The following ALG1L2 variants were observed in gnomAD, a reference collection of about 807,000 sequenced individuals.
ALG1L2 encodes the protein ALG1 chitobiosyldiphosphodolichol beta-mannosyltransferase like 2.
In ALG1L2, 32 loss-of-function variants were observed where a neutral mutation model predicts 29.0. The observed-to-expected ratio is 1.10, with a 90% confidence interval of 0.83 to 1.48. ALG1L2 has a LOEUF of 1.48. Ranked by LOEUF, ALG1L2 falls within the 40% of genes most tolerant of loss-of-function variation. ALG1L2 has a pLI of 0.00. For synonymous variants in ALG1L2, 110 were observed against 109.5 expected, an observed-to-expected ratio of 1.00 and a Z score of -0.03; for missense variants, 318 against 274.1, an observed-to-expected ratio of 1.16 and a Z score of -1.13.
rs1314164530 is a variant in ALG1L2 at position 130,093,350 on chromosome 3, C to A, written c.313+190C>A. 9.2e-5 allele frequency among the ~76,000 whole-genome samples: 14 copies of A among 151,972 alleles called. No homozygotes were observed. The East Asian group carries it at 2.7e-3, about 30-fold the overall frequency. Reference sequence around the variant, plus strand: ...AGGGTTTCACAGCAGGGCAGGGAGCCCAGATTTGAATCTGTAGATACCAAG... The same window carrying A: ...AGGGTTTCACAGCAGGGCAGGGAGCACAGATTTGAATCTGTAGATACCAAG... On this transcript the variant is annotated intron_variant, in intron 4 of 7. Transcript: ENST00000425059.
At chr3:130,096,611 T>A (rs556547929) in intron 6 of ALG1L2, among the ~76,000 whole-genome samples, 1 of 152,100 alleles carries the variant, frequency 6.6e-6, no homozygotes, top group East Asian at 1.9e-4. Flanking sequence ...GTTAAATGAG[T>A]GTCATGCTGT....
chr3:130,094,518 G>C lies in ALG1L2; in HGVS notation c.424+5G>C, dbSNP rs4487280. 0.64 allele frequency: 1,017,096 copies of C among 1,588,194 alleles called. 332,492 individuals carry two copies. Among genetic ancestry groups the C allele is most frequent in the Middle Eastern group, 0.74 (3,276 of 4,416 alleles). On this transcript the variant is annotated splice_donor_5th_base_variant and intron_variant, in intron 5 of 7. Transcript: ENST00000425059. ...GAGGACTACCCCCGCTTCTAGGTGA[G>C]AGGCCAGCAGGAGGCTCAGGGAGGA...
Position 130,096,273 on chromosome 3 carries a change from CCAG to C in ALG1L2, c.539+113_539+115del. The C allele has an allele frequency of 1.6e-6, 2 of 1,240,682 alleles. 1 individual carries two copies. The highest frequency in any genetic ancestry group is 2.8e-5 in the South Asian group (2 of 72,718). The allele number at this position is 1,240,682 out of a possible 1,614,324, so 76.9% of individuals were successfully genotyped here. A position where few individuals can be genotyped will look rare whatever the true frequency, so the allele number is the denominator to read the frequency against. On this transcript the variant is annotated intron_variant, in intron 6 of 7. Transcript: ENST00000425059. The stretch of plus-strand genomic sequence containing the variant: ...AGTGAGGCCCTGCCCCTCGGTCAGT[CCAG>C]CACACACTGGAGGCCACGAGGAGGA...
intron 4 of ALG1L2, 96 bp from the exon 5 acceptor site, chr3:130,094,307 G>A (rs1935083266): frequency 6.8e-7 from 1 of 1,476,318 alleles, no homozygotes; most frequent in Non-Finnish European, 9.3e-7. Context: ...GAGCTTCTGG[G>A]AAAAGGATCC....
intron 1 of ALG1L2, among the ~76,000 whole-genome samples, chr3:130,085,717 C>T (rs569137699): frequency 1.0e-3 from 157 of 151,704 alleles, no homozygotes; most frequent in Non-Finnish European, 1.6e-3. Flanking sequence ...CACAACAGTG[C>T]CCTGCTCTGT....
intron 1 of ALG1L2, among the ~76,000 whole-genome samples, chr3:130,085,044 C>T (rs9812677): frequency 0.61 from 59,110 of 97,016 alleles, 18,778 homozygotes; most frequent in Middle Eastern, 0.72. Context: ...CTGTCACTTC[C>T]GCCTCCCGGG....
intron 1 of ALG1L2, among the ~76,000 whole-genome samples, chr3:130,090,066 A>T (rs1577327102): frequency 6.6e-6 from 1 of 152,000 alleles, no homozygotes; most frequent in African/African-American, 2.4e-5. Flanking sequence ...TAGAAAAATA[A>T]AACTGAGGGC....
rs1212083628 is a variant in ALG1L2 at position 130,091,310 on chromosome 3, C to T, written c.70C>T (p.Leu24=). Residue 24 remains leucine, a synonymous_variant, in exon 2 of 8, where the codon CTG becomes TTG. Coordinates refer to ENST00000425059, the MANE Select transcript of ALG1L2 (RefSeq NM_001136152.1). ...GGCATCTTTCTTTAAAGAGGCACCT[C>T]TGGACCTGCAGCACCGGCTCTTCAT... ...KPASFFKEAP[L]DLQHRLFMKL... The T allele has an allele frequency of 2.5e-6, 4 of 1,598,846 alleles. No individual in the cohort carries two copies. The Admixed American group carries it at 5.0e-5, about 20-fold the overall frequency.
intron 1 of ALG1L2, among the ~76,000 whole-genome samples, chr3:130,087,379 G>T (rs1282838330): frequency 1.4e-5 from 2 of 147,914 alleles, no homozygotes; most frequent in South Asian, 2.1e-4. Context: ...AAAAACTGAG[G>T]ATCTGTTCCA....
chr3:130,090,946 C>G (rs1395645911), intron 1 of ALG1L2: 17 of 341,030 alleles, frequency 5.0e-5, no homozygotes, highest in South Asian at 3.6e-4. Context: ...CACACAATAA[C>G]AGACCCAGGC....
At chr3:130,096,195 T>C (rs1935130347) in intron 6 of ALG1L2, 32 bp downstream of exon 6, 2 of 1,605,912 alleles carry the variant, frequency 1.2e-6, no homozygotes, top group Non-Finnish European at 1.7e-6. Context: ...TTTCTGGGGA[T>C]AGCTTCACAG....
intron 1 of ALG1L2, chr3:130,090,593 T>G (rs1356698458): frequency 6.6e-6 from 1 of 152,450 alleles, no homozygotes. Context: ...AACTTAATAG[T>G]CAACACTGCC....
rs1321849455 is a variant in ALG1L2, at chr3:130,094,443, C to A, written c.354C>A (p.His118Gln). 1 of 1,596,312 alleles carries A rather than the reference C, an allele frequency of 6.3e-7. No homozygotes were observed. The highest frequency in any genetic ancestry group is 8.5e-7 in the Non-Finnish European group (1 of 1,179,692). ...PLREYYSRLI[H>Q]QKHFQHIQVC... ...GGGAGTATTACAGCCGCCTCATCCA[C>A]CAGAAGCATTTCCAGCACATCCAGG... is the stretch of plus-strand genomic sequence containing the variant. Residue 118 changes from histidine to glutamine, a missense_variant, in exon 5 of 8, where the codon CAC becomes CAA. By Grantham distance (24) the His-to-Gln change is conservative. Coordinates refer to ENST00000425059, the MANE Select transcript of ALG1L2 (RefSeq NM_001136152.1).
intron 7 of ALG1L2, among the ~76,000 whole-genome samples, 174 bp downstream of exon 7, chr3:130,097,424 T>C (rs1935166901): frequency 6.6e-6 from 1 of 152,180 alleles, no homozygotes; most frequent in Admixed American, 6.5e-5. Flanking sequence ...CCCATTTCGG[T>C]ACAGTAGGCT....
intron 1 of ALG1L2, among the ~76,000 whole-genome samples, chr3:130,082,830 G>C (rs1934818261): frequency 6.8e-6 from 1 of 146,526 alleles, no homozygotes; most frequent in South Asian, 2.2e-4. Flanking sequence ...GTGAGCATAA[G>C]GGAAGCCTAC....
chr3:130,093,511 C>T (rs1277648859), intron 4 of ALG1L2, among the ~76,000 whole-genome samples: 1 of 150,446 alleles, frequency 6.6e-6, no homozygotes, highest in East Asian at 2.0e-4. Context: ...ACTGCAACCT[C>T]TGCCTCTCAC....
chr3:130,092,264 C>G (rs778382666), intron 3 of ALG1L2, 42 bp downstream of exon 3: 1 of 1,594,184 alleles, frequency 6.3e-7, no homozygotes, highest in African/African-American at 1.3e-5. Flanking sequence ...GTGTGAAGGG[C>G]ACCTGGCCAA....
chr3:130,084,650 C>T (rs80233752), intron 1 of ALG1L2, among the ~76,000 whole-genome samples: 3,196 of 74,042 alleles, frequency 0.043, 38 homozygotes, highest in Middle Eastern at 0.1. Context: ...TAAAAAGATA[C>T]CACAAGCTGG....
intron 5 of ALG1L2, 114 bp from the exon 6 acceptor site, chr3:130,095,935 G>C: frequency 4.4e-6 from 5 of 1,129,000 alleles, no homozygotes; most frequent in Admixed American, 4.1e-5. Context: ...TGGGGATGTC[G>C]GGGGCCTTAT....
Sources: allele counts gnomAD v4.1 joint callset (sites outside exome capture counted in the v4.1 genomes callset), GRCh38; gene constraint gnomAD v4.1.1; transcripts MANE v1.5; gene names NCBI Gene and HGNC (gene_info 2026-07-23, HGNC 2026-07-21).